BCAS3: variants seen among roughly 807,000 people sequenced by gnomAD.
The protein encoded by BCAS3 is BCAS4/BCAS3 fusion.
Under a neutral mutation model 116.1 loss-of-function variants are expected in BCAS3, and 53 were observed. The ratio of observed to expected loss-of-function variants is 0.46; its 90% CI spans 0.37 to 0.57. BCAS3 has a LOEUF of 0.57. Among genes scored for constraint, BCAS3 ranks in the 20% least tolerant of loss-of-function variants. The pLI, the probability that BCAS3 is intolerant of heterozygous loss-of-function variation, is 0.00. For missense variants in BCAS3, 917 were observed against 1,165.4 expected (o/e 0.79, Z 3.10); for synonymous variants, 391 against 408.2 (o/e 0.96, Z 0.51).
chr17:60,799,754 C>T (rs1416238480), intron 6 of BCAS3, among the ~76,000 whole-genome samples: 1 of 125,678 alleles, frequency 8.0e-6, no homozygotes, highest in Non-Finnish European at 1.6e-5. Context: ...TGGGGTTTCA[C>T]CATGTTGGCC....
At chr17:61,167,217 G>C (rs936574450) in intron 22 of BCAS3, among the ~76,000 whole-genome samples, 1 of 152,144 alleles carries the variant, frequency 6.6e-6, no homozygotes, top group Non-Finnish European at 1.5e-5. Context: ...AAAAGATGAA[G>C]AAATACCACA....
intron 9 of BCAS3, among the ~76,000 whole-genome samples, chr17:60,881,254 G>A (rs2056116142): frequency 6.6e-6 from 1 of 152,144 alleles, no homozygotes; most frequent in Non-Finnish European, 1.5e-5. Flanking sequence ...GATTACAGGC[G>A]TGAGCCACCG....
rs763049122 is a variant in BCAS3 at position 61,181,261 on chromosome 17, G to A, written c.2425+96697G>A. ...TGACTGGTGAGGAACAAGATGATTCGTTCCTTGCCTAAGCCCATGCTTACA... is the reference window on the plus strand; with the variant it reads ...TGACTGGTGAGGAACAAGATGATTCATTCCTTGCCTAAGCCCATGCTTACA... On this transcript the variant is annotated intron_variant, in intron 22 of 23. Coordinates refer to ENST00000407086, the MANE Select transcript of BCAS3 (RefSeq NM_017679.5). This position sits in a 1 kb window ranked among gnomAD's most constrained non-coding sequence, Gnocchi z 5.0. Among the ~76,000 whole-genome samples, 5 of 152,142 alleles carry A rather than the reference G, an allele frequency of 3.3e-5. No homozygotes were observed. The highest frequency in any genetic ancestry group is 9.7e-5 in the African/African-American group (4 of 41,430).
At position 61,390,800 on chromosome 17, in the gene BCAS3, G is replaced by C. The variant is rs62071303; in HGVS notation, c.2594-1177G>C. Reference sequence around the variant, plus strand: ...CAAGGTCTCAAGCCAGACCAGACGAGTGCAACGTTTTTGCACATCTTGCTG... The same window carrying C: ...CAAGGTCTCAAGCCAGACCAGACGACTGCAACGTTTTTGCACATCTTGCTG... On this transcript the variant is annotated intron_variant, in intron 23 of 23. Transcript: ENST00000407086. This position sits in a 1 kb window ranked among gnomAD's most constrained non-coding sequence, Gnocchi z 6.8. 6.6e-6 allele frequency: 1 copy of C among 152,392 alleles called. No homozygotes were observed. The highest frequency in any genetic ancestry group is 1.5e-5 in the Non-Finnish European group (1 of 68,130). 9.4% of individuals were successfully genotyped at this position (152,392 alleles called of 1,614,324 possible). A position where few individuals can be genotyped will look rare whatever the true frequency, so the allele number is the denominator to read the frequency against.
intron 12 of BCAS3, among the ~76,000 whole-genome samples, chr17:60,919,047 G>T (rs1012077942): frequency 2.6e-5 from 4 of 151,870 alleles, no homozygotes; most frequent in African/African-American, 9.7e-5. Context: ...ATTTCTGTTT[G>T]GTTCTTTCTT....
At chr17:60,966,924 A>G (rs1403340559) in intron 14 of BCAS3, among the ~76,000 whole-genome samples, 2 of 152,076 alleles carry the variant, frequency 1.3e-5, no homozygotes, top group Non-Finnish European at 2.9e-5. Context: ...GGGATTACAG[A>G]TGTGAGTTAC....
chr17:61,070,332 G>T (rs1299984538), intron 19 of BCAS3: 2 of 820,200 alleles, frequency 2.4e-6, no homozygotes, highest in Non-Finnish European at 3.9e-6. Context: ...ACAAAATTGG[G>T]ATCATCTAAA....
rs1465199699 is a variant in BCAS3 at position 61,068,640 on chromosome 17, A to G, written c.2030-6280A>G. Among the ~76,000 whole-genome samples the G allele has an allele frequency of 3.3e-5, 5 of 152,162 alleles. No homozygotes were observed. The highest frequency in any genetic ancestry group is 1.2e-4 in the African/African-American group (5 of 41,428). ...CTTGTACCATGTGGGATCTCTTGCC[A>G]CTTCCCTTAACTCTGCCCAAGATTG... is the stretch of plus-strand genomic sequence containing the variant. On this transcript the variant is annotated intron_variant, in intron 19 of 23. Coordinates refer to ENST00000407086, the MANE Select transcript of BCAS3 (RefSeq NM_017679.5). The surrounding 1 kb of genome is among the most constrained non-coding windows in gnomAD (Gnocchi z 4.3).
At chr17:61,280,798 A>G (rs1602386927) in intron 22 of BCAS3, among the ~76,000 whole-genome samples, 2 of 152,202 alleles carry the variant, frequency 1.3e-5, no homozygotes, top group African/African-American at 4.8e-5. Flanking sequence ...AGGTTCCGCC[A>G]GTTCTCTTCA....
At position 61,352,867 on chromosome 17, in the gene BCAS3, C is replaced by G. The variant is rs571717203; in HGVS notation, c.2426-15460C>G. On this transcript the variant is annotated intron_variant, in intron 22 of 23. Coordinates refer to ENST00000407086, the MANE Select transcript of BCAS3 (RefSeq NM_017679.5). The surrounding 1 kb of genome is among the most constrained non-coding windows in gnomAD (Gnocchi z 4.7). Reference sequence around the variant, plus strand: ...AGAGAAGGCCTGGTGCCGCCACACTCCTGCTCGGCTCCTAGGCTGCTAGCG... The same window carrying G: ...AGAGAAGGCCTGGTGCCGCCACACTGCTGCTCGGCTCCTAGGCTGCTAGCG... Among the ~76,000 whole-genome samples the G allele has an allele frequency of 3.3e-5, 5 of 152,338 alleles. No individual in the cohort carries two copies. In the East Asian group the frequency reaches 5.8e-4, roughly 18 times the overall value.
At chr17:61,170,619 T>C (rs184113338) in intron 22 of BCAS3, among the ~76,000 whole-genome samples, 32 of 152,274 alleles carry the variant, frequency 2.1e-4, no homozygotes, top group African/African-American at 7.7e-4. Flanking sequence ...TTCAAGGTAT[T>C]GGGTAACAGG....
intron 22 of BCAS3, among the ~76,000 whole-genome samples, chr17:61,168,146 T>C (rs2078627176): frequency 6.6e-6 from 1 of 152,218 alleles, no homozygotes; most frequent in Non-Finnish European, 1.5e-5. Flanking sequence ...CAGGTTTGAC[T>C]TTTCTTTTTT....
At chr17:61,334,219 G>A (rs1307186541) in intron 22 of BCAS3, among the ~76,000 whole-genome samples, 1 of 152,168 alleles carries the variant, frequency 6.6e-6, no homozygotes, top group Non-Finnish European at 1.5e-5. Context: ...GGGAGGATAT[G>A]GGGATCAATA....
At chr17:60,724,251 G>A (rs551587880) in intron 5 of BCAS3, among the ~76,000 whole-genome samples, 1 of 150,486 alleles carries the variant, frequency 6.6e-6, no homozygotes, top group Admixed American at 6.6e-5. Context: ...TGGTGAAACA[G>A]TTCGCTACTG....
intron 7 of BCAS3, among the ~76,000 whole-genome samples, chr17:60,821,299 T>A (rs1287963863): frequency 6.6e-6 from 1 of 151,778 alleles, no homozygotes; most frequent in Non-Finnish European, 1.5e-5. Flanking sequence ...GAATCATAAT[T>A]GTAGCAGGAA....
chr17:61,283,539 C>T (rs1602401347), intron 22 of BCAS3, among the ~76,000 whole-genome samples: 2 of 151,854 alleles, frequency 1.3e-5, no homozygotes, highest in Non-Finnish European at 2.9e-5. Flanking sequence ...CTGCAAGCTC[C>T]GCCTCCTGGG....
chr17:60,932,247 G>T lies in BCAS3; in HGVS notation c.1087+7747G>T, dbSNP rs76052613. Reference sequence around the variant, plus strand: ...AGAGGTAAGCTTTTGTTAATATTTTGTCCCCAAGTATTAGCCCAGTAGCTT... The same window carrying T: ...AGAGGTAAGCTTTTGTTAATATTTTTTCCCCAAGTATTAGCCCAGTAGCTT... On this transcript the variant is annotated intron_variant, in intron 13 of 23. Coordinates refer to ENST00000407086, the MANE Select transcript of BCAS3 (RefSeq NM_017679.5). Among the ~76,000 whole-genome samples, 3 of 151,616 alleles carry T rather than the reference G, an allele frequency of 2.0e-5. No homozygotes were observed. The East Asian group carries it at 5.8e-4, about 29-fold the overall frequency.
At chr17:60,813,786 C>G (rs1035270941) in intron 7 of BCAS3, among the ~76,000 whole-genome samples, 4 of 152,042 alleles carry the variant, frequency 2.6e-5, no homozygotes, top group Non-Finnish European at 4.4e-5. Context: ...TTAGGGAGTC[C>G]TTTCCCCATT....
chr17:61,056,764 C>T lies in BCAS3; in HGVS notation c.2029+15872C>T, dbSNP rs138595095. On this transcript the variant is annotated intron_variant, in intron 19 of 23. Coordinates refer to ENST00000407086, the MANE Select transcript of BCAS3 (RefSeq NM_017679.5). This position sits in a 1 kb window ranked among gnomAD's most constrained non-coding sequence, Gnocchi z 4.9. Reference sequence around the variant, plus strand: ...AATGGTTTTCCTATTAAGTGATGTACTACTGCATGCTCTCAGATATTGAGA... The same window carrying T: ...AATGGTTTTCCTATTAAGTGATGTATTACTGCATGCTCTCAGATATTGAGA... Among the ~76,000 whole-genome samples the T allele has an allele frequency of 6.6e-6, 1 of 152,300 alleles. No homozygotes were observed. Among genetic ancestry groups the T allele is most frequent in the African/African-American group, 2.4e-5 (1 of 41,558 alleles).
Sources: allele counts gnomAD v4.1 joint callset (sites outside exome capture counted in the v4.1 genomes callset), GRCh38; gene constraint gnomAD v4.1.1; non-coding constraint Gnocchi (gnomAD v3.1); transcripts MANE v1.5; gene names NCBI Gene and HGNC (gene_info 2026-07-23, HGNC 2026-07-21).